TFDP2: variants seen among roughly 807,000 people sequenced by gnomAD.
TFDP2 encodes the protein transcription factor Dp-2, also known as transcription factor Dp-2 (E2F dimerization partner 2).
In TFDP2, 17 loss-of-function variants were observed where a neutral mutation model predicts 59.3. The observed-to-expected ratio is 0.29, with a 90% CI of 0.20 to 0.43. TFDP2 has a LOEUF of 0.43. Among genes scored for constraint, TFDP2 ranks in the 20% least tolerant of loss-of-function variants. The probability of loss-of-function intolerance (pLI) is 1.00; values close to 1 mark genes in which losing one functional copy is unlikely to be tolerated. For missense variants in TFDP2, 391 were observed against 528.8 expected (o/e 0.74, Z 2.56); for synonymous variants, 180 against 194.7 (o/e 0.92, Z 0.63).
chr3:142,147,535 C>T (rs1400226312), intron 1 of TFDP2, among the ~76,000 whole-genome samples: 2 of 152,172 alleles, frequency 1.3e-5, no homozygotes, highest in African/African-American at 4.8e-5. Flanking sequence ...GGAGGAATTA[C>T]ATGATCACAA....
In TFDP2 at chr3:142,052,519, C is replaced by T. The variant is rs112148026; in HGVS notation, c.82+40542G>A. On this transcript the variant is annotated intron_variant, in intron 3 of 12. Transcript: ENST00000489671. ...GAGATCGAGCGGAGATCAGCCTGGG[C>T]GACTGAGCGAGACTCTGTCTCAAAG... Among the ~76,000 whole-genome samples, 25 of 151,690 alleles carry T rather than the reference C, an allele frequency of 1.6e-4. No individual in the cohort carries two copies. In the South Asian group the frequency reaches 4.2e-3, roughly 25 times the overall value.
chr3:142,053,706 A>G (rs2059645474), intron 3 of TFDP2, among the ~76,000 whole-genome samples: 1 of 152,200 alleles, frequency 6.6e-6, no homozygotes, highest in African/African-American at 2.4e-5. Context: ...TTAAAAAGTT[A>G]AGAGAAGAAA....
At chr3:142,130,455 T>A (rs1267614708) in intron 1 of TFDP2, among the ~76,000 whole-genome samples, 5 of 151,972 alleles carry the variant, frequency 3.3e-5, no homozygotes, top group African/African-American at 1.2e-4. Flanking sequence ...GAATGGGAAT[T>A]ATTGTTTGTT....
chr3:142,014,381 C>T (rs1197982372), intron 3 of TFDP2, among the ~76,000 whole-genome samples: 1 of 151,928 alleles, frequency 6.6e-6, no homozygotes, highest in East Asian at 1.9e-4. Flanking sequence ...AACTCTTGAG[C>T]TCAAGCGATC....
intron 1 of TFDP2, among the ~76,000 whole-genome samples, chr3:142,105,398 T>C (rs1464828960): frequency 6.6e-6 from 1 of 152,146 alleles, no homozygotes; most frequent in Non-Finnish European, 1.5e-5. Flanking sequence ...TTCTGGCCAA[T>C]GAAATATAAG....
At chr3:142,102,474 G>A (rs183256573) in intron 1 of TFDP2, among the ~76,000 whole-genome samples, 3 of 152,224 alleles carry the variant, frequency 2.0e-5, no homozygotes, top group South Asian at 4.1e-4. Flanking sequence ...GCAGTAGAAC[G>A]CCAACTAATA....
intron 1 of TFDP2, among the ~76,000 whole-genome samples, chr3:142,125,516 A>G (rs968698398): frequency 3.9e-5 from 6 of 152,252 alleles, no homozygotes; most frequent in African/African-American, 9.6e-5. Context: ...ACACACACAT[A>G]TATCTATATG....
chr3:141,979,460 T>C (rs1385835480), intron 6 of TFDP2, among the ~76,000 whole-genome samples: 2 of 152,214 alleles, frequency 1.3e-5, no homozygotes, highest in African/African-American at 2.4e-5. Flanking sequence ...GAAGAACGCA[T>C]TGTTATCACA....
intron 11 of TFDP2, among the ~76,000 whole-genome samples, chr3:141,959,109 C>T (rs1324234068): frequency 3.3e-5 from 5 of 151,850 alleles, no homozygotes; most frequent in East Asian, 1.9e-4. Context: ...TGTGCCATCA[C>T]GCCCGGCTAA....
intron 3 of TFDP2, among the ~76,000 whole-genome samples, chr3:142,055,910 C>A (rs1453127125): frequency 1.9e-5 from 2 of 103,376 alleles, no homozygotes; most frequent in Admixed American, 9.6e-5. Flanking sequence ...TGTTTTCATT[C>A]TTGGAAAGCC....
intron 1 of TFDP2, among the ~76,000 whole-genome samples, chr3:142,122,660 T>A (rs572044031): frequency 2.6e-5 from 4 of 152,106 alleles, no homozygotes; most frequent in Non-Finnish European, 5.9e-5. Flanking sequence ...TTAGGTTGGA[T>A]CTTATATCCA....
chr3:142,072,744 T>C (rs1560112864), intron 3 of TFDP2, among the ~76,000 whole-genome samples: 2 of 152,214 alleles, frequency 1.3e-5, no homozygotes, highest in Non-Finnish European at 1.5e-5. Flanking sequence ...AAAGTAGTAT[T>C]GGATTATAAC....
At chr3:141,991,710 C>T (rs1048061783) in intron 6 of TFDP2, among the ~76,000 whole-genome samples, 1 of 152,094 alleles carries the variant, frequency 6.6e-6, no homozygotes, top group Non-Finnish European at 1.5e-5. Context: ...GATTGCGCTA[C>T]TGCACTCCAG....
At chr3:142,082,826 C>T (rs1197356257) in intron 3 of TFDP2, among the ~76,000 whole-genome samples, 1 of 152,150 alleles carries the variant, frequency 6.6e-6, no homozygotes, top group Admixed American at 6.5e-5. Flanking sequence ...AACATCGCTT[C>T]ATGATACAAT....
intron 7 of TFDP2, among the ~76,000 whole-genome samples, chr3:141,977,095 T>G (rs1322457069): frequency 0.015 from 1,523 of 99,508 alleles, 29 homozygotes; most frequent in Non-Finnish European, 0.023. Context: ...TAGCCATATA[T>G]ATATATATAT....
intron 6 of TFDP2, among the ~76,000 whole-genome samples, chr3:141,987,359 T>C (rs1022572011): frequency 4.6e-5 from 7 of 150,678 alleles, no homozygotes; most frequent in African/African-American, 1.7e-4. Flanking sequence ...CTCTGCTCAC[T>C]GCAGCCTCTG....
intron 11 of TFDP2, among the ~76,000 whole-genome samples, chr3:141,955,757 C>T (rs1936537679): frequency 6.6e-6 from 1 of 152,176 alleles, no homozygotes; most frequent in Admixed American, 6.5e-5. Flanking sequence ...GATGGTTATA[C>T]TTACAAATAA....
At chr3:141,988,557 C>T (rs1942388036) in intron 6 of TFDP2, among the ~76,000 whole-genome samples, 1 of 152,088 alleles carries the variant, frequency 6.6e-6, no homozygotes, top group Non-Finnish European at 1.5e-5. Context: ...AACACAATCC[C>T]AGCTATTCTC....
chr3:141,985,979 TG>T (rs1158850393), intron 6 of TFDP2, among the ~76,000 whole-genome samples: 1 of 152,226 alleles, frequency 6.6e-6, no homozygotes, highest in African/African-American at 2.4e-5. Flanking sequence ...GTGGAGAAAC[TG>T]GAATACTCAT....
Sources: gnomAD v4.1 joint callset for allele counts (sites outside exome capture counted in the v4.1 genomes callset) on GRCh38, gnomAD v4.1.1 for gene constraint, MANE v1.5 for transcripts, NCBI Gene and HGNC (gene_info 2026-07-23, HGNC 2026-07-21) for gene names.